Variants in CEPT1 observed in about 807,000 individuals in gnomAD.
The protein encoded by CEPT1 is choline/ethanolaminephosphotransferase 1.
A neutral mutation model predicts 42.6 loss-of-function variants in CEPT1; 7 were observed. The observed-to-expected ratio is 0.16, with a 90% CI of 0.09 to 0.31. The LOEUF (loss-of-function observed/expected upper bound fraction) is 0.31, where lower values mean the gene tolerates loss of function less well. Ranked by LOEUF, CEPT1 falls within the 10% of genes least tolerant of loss-of-function variation. The pLI is 1.00. For missense variants in CEPT1, 306 were observed against 502.1 expected, an observed-to-expected ratio of 0.61 and a Z score of 3.73; for synonymous variants, 171 against 171.9, an observed-to-expected ratio of 0.99 and a Z score of 0.04.
At chr1:111,148,363 A>C (rs979982293) in intron 2 of CEPT1, among the ~76,000 whole-genome samples, 1 of 151,058 alleles carries the variant, frequency 6.6e-6, no homozygotes, top group African/African-American at 2.5e-5. Flanking sequence ...AAATGGTAGA[A>C]TAAAGTCTTA....
chr1:111,161,002 G>A, intron 3 of CEPT1, 153 bp from the exon 4 acceptor site: 1 of 635,202 alleles, frequency 1.6e-6, no homozygotes, highest in Admixed American at 2.7e-5. Context: ...AAGAGATTAT[G>A]TAACAGATTA....
intron 4 of CEPT1, among the ~76,000 whole-genome samples, chr1:111,174,116 G>A (rs781702480): frequency 6.6e-6 from 1 of 152,106 alleles, no homozygotes; most frequent in Non-Finnish European, 1.5e-5. Context: ...AAGGTGCTAA[G>A]TTTACAAGAG....
At position 111,184,367 on chromosome 1, in the gene CEPT1, T is replaced by C; in HGVS notation, c.*57T>C. 1 of 1,379,694 alleles carries C rather than the reference T, an allele frequency of 7.2e-7. No homozygotes were observed. The highest frequency in any genetic ancestry group is 1.0e-6 in the Non-Finnish European group (1 of 985,602). The allele number at this position is 1,379,694 out of a possible 1,614,324, so 85.5% of individuals were successfully genotyped here. On this transcript the variant is annotated 3_prime_UTR_variant, in exon 9 of 9. Coordinates refer to ENST00000357172, the MANE Select transcript of CEPT1 (RefSeq NM_006090.5). Reference sequence around the variant, plus strand: ...TTCTGCAGGAAAGAAAGTAACATATTAAGGAGAATGGGGGTGGATAAGAAC... The same window carrying C: ...TTCTGCAGGAAAGAAAGTAACATATCAAGGAGAATGGGGGTGGATAAGAAC...
rs75667823 is a variant in CEPT1, at chr1:111,183,518, G to A, written c.1062G>A (p.Pro354=). 9 of 1,613,304 alleles carry A rather than the reference G, an allele frequency of 5.6e-6. No individual in the cohort carries two copies. Among genetic ancestry groups the A allele is most frequent in the Admixed American group, 5.0e-5 (3 of 59,996 alleles). ...MHLHDTAFIG[P]ALLFLDQYFN... Reference sequence around the variant, plus strand: ...TGCATGACACAGCATTCATAGGTCCGGCACTTTTGTTTCTGGACCAGTATT... The same window carrying A: ...TGCATGACACAGCATTCATAGGTCCAGCACTTTTGTTTCTGGACCAGTATT... Residue 354 remains proline, a synonymous_variant, in exon 8 of 9, where the codon CCG becomes CCA. Transcript: ENST00000357172.
chr1:111,147,447 T>G (rs1257144061), intron 1 of CEPT1, among the ~76,000 whole-genome samples, 195 bp from the exon 2 acceptor site: 2 of 152,212 alleles, frequency 1.3e-5, no homozygotes, highest in African/African-American at 4.8e-5. Flanking sequence ...TACTATTTTT[T>G]GCTTAAAGTT....
chr1:111,141,639 C>G (rs1654580202), intron 1 of CEPT1, among the ~76,000 whole-genome samples: 1 of 151,988 alleles, frequency 6.6e-6, no homozygotes, highest in Non-Finnish European at 1.5e-5. Flanking sequence ...GTGATTTCCT[C>G]TTTTAAGGAG....
chr1:111,147,939 C>G lies in CEPT1; in HGVS notation c.225C>G (p.Leu75=). ...TAATGCAAGGGTATTGGGAATGGCTCGTTAGAAGAGTTCCCTCCTGGATTG... is the reference window on the plus strand; with the variant it reads ...TAATGCAAGGGTATTGGGAATGGCTGGTTAGAAGAGTTCCCTCCTGGATTG... ...EPLMQGYWEW[L]VRRVPSWIAP... The change falls in exon 2 of 9, where the codon CTC becomes CTG. Residue 75 remains leucine (L), a synonymous_variant. Coordinates refer to ENST00000357172, the MANE Select transcript of CEPT1 (RefSeq NM_006090.5). The G allele has an allele frequency of 6.2e-7, 1 of 1,614,150 alleles. No homozygotes were observed. The highest frequency in any genetic ancestry group is 8.5e-7 in the Non-Finnish European group (1 of 1,180,012).
chr1:111,180,685 CAG>C (rs1491080481), intron 5 of CEPT1: 1 of 152,108 alleles, frequency 6.6e-6, no homozygotes, highest in African/African-American at 2.4e-5. Flanking sequence ...CAAGAGGTAA[CAG>C]AGTTATCTCA....
At chr1:111,172,950 A>G (rs902470244) in intron 4 of CEPT1, among the ~76,000 whole-genome samples, 2 of 152,240 alleles carry the variant, frequency 1.3e-5, no homozygotes, top group Non-Finnish European at 2.9e-5. Flanking sequence ...TCAAATGACT[A>G]TTCTATAAAA....
chr1:111,157,232 G>A (rs1047236710), intron 2 of CEPT1, among the ~76,000 whole-genome samples: 1 of 152,078 alleles, frequency 6.6e-6, no homozygotes, highest in Admixed American at 6.5e-5. Context: ...TATTTCCTAG[G>A]ATTGTGTATA....
intron 1 of CEPT1, among the ~76,000 whole-genome samples, chr1:111,142,728 A>T (rs767945159): frequency 2.6e-5 from 4 of 152,212 alleles, no homozygotes; most frequent in Non-Finnish European, 5.9e-5. Flanking sequence ...GTGGGAAAAG[A>T]ATGTTAACAA....
intron 1 of CEPT1, chr1:111,143,479 A>G (rs1397385098): frequency 6.6e-6 from 1 of 152,204 alleles, no homozygotes; most frequent in Non-Finnish European, 1.5e-5. Context: ...CCCACTGGAC[A>G]TAGGAGCTGG....
chr1:111,172,472 G>A (rs1656468994), intron 4 of CEPT1, among the ~76,000 whole-genome samples: 1 of 152,064 alleles, frequency 6.6e-6, no homozygotes, highest in Non-Finnish European at 1.5e-5. Flanking sequence ...TTTCCTGTAT[G>A]ATCAAAAAGA....
At chr1:111,182,448 A>G in intron 6 of CEPT1, 130 bp downstream of exon 6, 1 of 1,063,968 alleles carries the variant, frequency 9.4e-7, no homozygotes, top group Non-Finnish European at 1.3e-6. Context: ...TAAAGAAACT[A>G]ATGTTCAAAA....
At chr1:111,170,476 C>T (rs1338354049) in intron 4 of CEPT1, among the ~76,000 whole-genome samples, 1 of 152,134 alleles carries the variant, frequency 6.6e-6, no homozygotes, top group Non-Finnish European at 1.5e-5. Context: ...TAAAAATACT[C>T]CAAGTTATCT....
intron 4 of CEPT1, among the ~76,000 whole-genome samples, chr1:111,164,241 G>A (rs1557932929): frequency 6.6e-6 from 1 of 152,190 alleles, no homozygotes; most frequent in African/African-American, 2.4e-5. Context: ...CATCTTCCCT[G>A]AAATTATGAG....
chr1:111,147,095 G>A (rs1655010675), intron 1 of CEPT1, among the ~76,000 whole-genome samples: 1 of 152,166 alleles, frequency 6.6e-6, no homozygotes, highest in Non-Finnish European at 1.5e-5. Flanking sequence ...TGTAAAAATG[G>A]GGATAATTAA....
chr1:111,179,455 C>T (rs1488331156), intron 5 of CEPT1: 9 of 152,120 alleles, frequency 5.9e-5, no homozygotes, highest in African/African-American at 1.7e-4. Flanking sequence ...ACTTTGGCCA[C>T]CTTTGATAAG....
chr1:111,145,325 C>T (rs914713993), intron 1 of CEPT1, among the ~76,000 whole-genome samples: 3 of 152,208 alleles, frequency 2.0e-5, no homozygotes, highest in African/African-American at 7.2e-5. Flanking sequence ...ATTTTTATTT[C>T]AGGGCATCTC....
Sources: gnomAD v4.1 joint callset for allele counts (sites outside exome capture counted in the v4.1 genomes callset) on GRCh38, gnomAD v4.1.1 for gene constraint, MANE v1.5 for transcripts, NCBI Gene and HGNC (gene_info 2026-07-23, HGNC 2026-07-21) for gene names.